The following SCAI variants were observed in gnomAD, a reference collection of about 807,000 sequenced individuals.
The protein encoded by SCAI is protein SCAI.
In SCAI, 24 loss-of-function variants were observed where a neutral mutation model predicts 92.2. The ratio of observed to expected loss-of-function variants is 0.26; its 90% CI spans 0.19 to 0.37. SCAI has a LOEUF of 0.37. SCAI is among the 10% of genes least tolerant of loss of function. The probability of loss-of-function intolerance (pLI) is 1.00; values close to 1 mark genes in which losing one functional copy is unlikely to be tolerated. For missense variants in SCAI, 450 were observed against 736.2 expected, an observed-to-expected ratio of 0.61 and a Z score of 4.50; for synonymous variants, 261 against 258.6, an observed-to-expected ratio of 1.01 and a Z score of -0.09.
intron 17 of SCAI, among the ~76,000 whole-genome samples, chr9:124,969,088 A>G (rs1831601071): frequency 6.6e-6 from 1 of 152,038 alleles, no homozygotes; most frequent in Non-Finnish European, 1.5e-5. Flanking sequence ...GACTATAGGC[A>G]CACATCACTA....
At chr9:124,956,544 T>C (rs926212553) in intron 17 of SCAI, among the ~76,000 whole-genome samples, 9 of 152,268 alleles carry the variant, frequency 5.9e-5, no homozygotes, top group Middle Eastern at 3.4e-3. Context: ...GATCAATTAA[T>C]GTTATTCACT....
At chr9:125,047,140 T>A (rs1588175960) in intron 3 of SCAI, among the ~76,000 whole-genome samples, 2 of 152,326 alleles carry the variant, frequency 1.3e-5, no homozygotes, top group South Asian at 4.1e-4. Flanking sequence ...AATTTCACTG[T>A]ATCTGGAGAT....
At chr9:124,989,666 C>A (rs1465885961) in intron 14 of SCAI, among the ~76,000 whole-genome samples, 1 of 151,146 alleles carries the variant, frequency 6.6e-6, no homozygotes, top group African/African-American at 2.4e-5. Flanking sequence ...GGTAAATCAT[C>A]TGAGGTCAGG....
chr9:124,958,570 A>G (rs772246468), intron 17 of SCAI, among the ~76,000 whole-genome samples: 1 of 152,192 alleles, frequency 6.6e-6, no homozygotes, highest in Non-Finnish European at 1.5e-5. Flanking sequence ...AAAATAAACC[A>G]TAGACCTACA....
intron 17 of SCAI, chr9:124,968,446 T>C (rs1344177245): frequency 2.9e-6 from 3 of 1,025,802 alleles, no homozygotes; most frequent in Non-Finnish European, 4.6e-6. Flanking sequence ...TTGAGTCCAC[T>C]GGATGGAGAA....
chr9:125,029,397 C>T (rs1468843119), intron 4 of SCAI, among the ~76,000 whole-genome samples: 1 of 152,084 alleles, frequency 6.6e-6, no homozygotes, highest in East Asian at 1.9e-4. Flanking sequence ...GCTGGGATTA[C>T]AGGCATGAGC....
chr9:125,015,461 T>G (rs1395461805), intron 9 of SCAI, among the ~76,000 whole-genome samples: 1 of 151,848 alleles, frequency 6.6e-6, no homozygotes, highest in Non-Finnish European at 1.5e-5. Flanking sequence ...ATCAGAGAAA[T>G]GCAAATCAAA....
intron 17 of SCAI, among the ~76,000 whole-genome samples, chr9:124,966,402 T>C (rs1831542931): frequency 1.3e-5 from 2 of 152,126 alleles, no homozygotes; most frequent in Non-Finnish European, 1.5e-5. Flanking sequence ...CTGGAAACCA[T>C]CATTCTCAGC....
intron 2 of SCAI, among the ~76,000 whole-genome samples, chr9:125,058,167 G>A (rs969066062): frequency 6.6e-6 from 1 of 151,996 alleles, no homozygotes; most frequent in Admixed American, 6.6e-5. Context: ...TTCTCACTTG[G>A]CAGAGAAGGG....
intron 2 of SCAI, among the ~76,000 whole-genome samples, chr9:125,121,695 A>G (rs1382359005): frequency 2.6e-5 from 4 of 152,012 alleles, no homozygotes; most frequent in Non-Finnish European, 5.9e-5. Flanking sequence ...TACTAAAAGA[A>G]CACAAAAATT....
intron 3 of SCAI, among the ~76,000 whole-genome samples, chr9:125,037,397 A>G (rs1833220179): frequency 6.8e-6 from 1 of 147,764 alleles, no homozygotes; most frequent in African/African-American, 2.5e-5. Context: ...CAATGTAGTA[A>G]GACTCTATCC....
chr9:125,023,558 C>T (rs748997112), intron 6 of SCAI, among the ~76,000 whole-genome samples: 20 of 152,070 alleles, frequency 1.3e-4, no homozygotes, highest in Admixed American at 2.0e-4. Context: ...GATTATACAA[C>T]CAGCAAACCT....
At chr9:125,086,464 T>C (rs1332283169) in intron 2 of SCAI, among the ~76,000 whole-genome samples, 1 of 152,170 alleles carries the variant, frequency 6.6e-6, no homozygotes, top group Non-Finnish European at 1.5e-5. Flanking sequence ...GAGGGAATGC[T>C]GAATAGCTGG....
rs563872511 is a variant in SCAI, at chr9:125,127,401, C to A, written c.98+15232G>T. On this transcript the variant is annotated intron_variant, in intron 2 of 17. Transcript: ENST00000336505. ...AATTGAGGGGGAGAAGGTCCCAGGGCAGAATTTTTTTTTTTTTTTTTGAGA... is the reference window on the plus strand; with the variant it reads ...AATTGAGGGGGAGAAGGTCCCAGGGAAGAATTTTTTTTTTTTTTTTTGAGA... Among the ~76,000 whole-genome samples the A allele has an allele frequency of 1.1e-4, 15 of 142,140 alleles. 1 individual carries two copies. The South Asian group carries it at 3.2e-3, about 30-fold the overall frequency. 93.2% of individuals were successfully genotyped at this position (142,140 alleles called of 152,430 possible). A position where few individuals can be genotyped will look rare whatever the true frequency, so the allele number is the denominator to read the frequency against.
At chr9:125,044,343 C>A (rs756565585) in intron 3 of SCAI, among the ~76,000 whole-genome samples, 2 of 152,144 alleles carry the variant, frequency 1.3e-5, no homozygotes, top group Non-Finnish European at 2.9e-5. Context: ...TAACCCCAGA[C>A]AGCCAGACTC....
Position 125,059,255 on chromosome 9 carries a change from T to C in SCAI, c.99-3248A>G, listed in dbSNP as rs1588185854. Among the ~76,000 whole-genome samples, 5 of 152,220 alleles carry C rather than the reference T, an allele frequency of 3.3e-5. 1 individual carries two copies. Among genetic ancestry groups the C allele is most frequent in the Admixed American group, 3.3e-4 (5 of 15,296 alleles). On this transcript the variant is annotated intron_variant, in intron 2 of 17. Coordinates refer to ENST00000336505, the MANE Select transcript of SCAI (RefSeq NM_001144877.3). Reference sequence around the variant, plus strand: ...CATGAGGAAACAGACAAAACCAAGTTGGGGGACATTCTACAAAATAACCAA... The same window carrying C: ...CATGAGGAAACAGACAAAACCAAGTCGGGGGACATTCTACAAAATAACCAA...
At chr9:125,052,838 T>C (rs894637986) in intron 3 of SCAI, among the ~76,000 whole-genome samples, 1 of 150,810 alleles carries the variant, frequency 6.6e-6, no homozygotes, top group Non-Finnish European at 1.5e-5. Flanking sequence ...CATAAAAAGA[T>C]GCCCAACATT....
Position 124,962,150 on chromosome 9 carries a change from C to CT in SCAI, c.1675-9198dup, listed in dbSNP as rs752939056. On this transcript the variant is annotated intron_variant, in intron 17 of 17. Transcript: ENST00000336505. ...CTTTTTCTCAAATCATAATATATGT[C>CT]TTTTTTTTTTTTTTTTTTTTGCGGG... is the stretch of plus-strand genomic sequence containing the variant. 6.3e-3 allele frequency among the ~76,000 whole-genome samples: 403 copies of CT among 63,488 alleles called. 4 individuals are homozygous for CT. The highest frequency in any genetic ancestry group is 0.01 in the Middle Eastern group (1 of 98). 41.7% of individuals were successfully genotyped at this position (63,488 alleles called of 152,430 possible). A position where few individuals can be genotyped will look rare whatever the true frequency, so the allele number is the denominator to read the frequency against.
chr9:125,136,286 T>C (rs1588255614), intron 2 of SCAI, among the ~76,000 whole-genome samples: 1 of 151,450 alleles, frequency 6.6e-6, no homozygotes, highest in African/African-American at 2.4e-5. Context: ...AATTTTCGTA[T>C]TTTTGGTAGA....
Sources: gnomAD v4.1 joint callset for allele counts (sites outside exome capture counted in the v4.1 genomes callset) on GRCh38, gnomAD v4.1.1 for gene constraint, MANE v1.5 for transcripts, NCBI Gene and HGNC (gene_info 2026-07-23, HGNC 2026-07-21) for gene names.